Variants in HEMK2 observed in about 807,000 individuals in gnomAD.
HEMK2 encodes methyltransferase HEMK2.
chr21:28,591,488 T>C, the HEMK2 span, among the ~76,000 whole-genome samples: 9 of 152,330 alleles, frequency 5.9e-5, no homozygotes, highest in South Asian at 2.1e-4. Context: ...TCCTTACATA[T>C]GCAAATAATA....
At chr21:28,809,694 C>A in the HEMK2 span, among the ~76,000 whole-genome samples, 1 of 152,140 alleles carries the variant, frequency 6.6e-6, no homozygotes, top group Non-Finnish European at 1.5e-5. Context: ...GCAATTTCTG[C>A]TATGTGGATG....
the HEMK2 span, among the ~76,000 whole-genome samples, chr21:28,736,971 T>C: frequency 6.6e-6 from 1 of 152,134 alleles, no homozygotes; most frequent in East Asian, 1.9e-4. Context: ...CTTCCATATA[T>C]AAAATTTGAG....
At chr21:28,872,023 G>A in the HEMK2 span, among the ~76,000 whole-genome samples, 1 of 152,148 alleles carries the variant, frequency 6.6e-6, no homozygotes, top group Non-Finnish European at 1.5e-5. Context: ...TTCCAAATAG[G>A]AGCATATTCA....
At chr21:28,643,016 T>G in the HEMK2 span, among the ~76,000 whole-genome samples, 1 of 152,184 alleles carries the variant, frequency 6.6e-6, no homozygotes, top group Non-Finnish European at 1.5e-5. Context: ...CCAGCCCTTC[T>G]GTATCAATAG....
the HEMK2 span, among the ~76,000 whole-genome samples, chr21:28,665,511 G>A: frequency 1.3e-5 from 2 of 150,568 alleles, no homozygotes; most frequent in Non-Finnish European, 3.0e-5. Flanking sequence ...TGACACGTTA[G>A]TGGGTGCAGC....
At chr21:28,752,954 C>T in the HEMK2 span, among the ~76,000 whole-genome samples, 4 of 152,170 alleles carry the variant, frequency 2.6e-5, no homozygotes, top group Non-Finnish European at 5.9e-5. Flanking sequence ...TCCATTCGTG[C>T]TTGGCATCAT....
the HEMK2 span, among the ~76,000 whole-genome samples, chr21:28,604,521 G>T: frequency 0.038 from 5,773 of 152,248 alleles, 121 homozygotes; most frequent in Middle Eastern, 0.054. Flanking sequence ...TAACAAGTTT[G>T]ATTTTTCATT....
chr21:28,843,877 C>T, the HEMK2 span, among the ~76,000 whole-genome samples: 20 of 151,706 alleles, frequency 1.3e-4, no homozygotes, highest in African/African-American at 4.1e-4. Flanking sequence ...ACTGGGAAGC[C>T]GTATAATATG....
At chr21:28,621,831 C>T in the HEMK2 span, among the ~76,000 whole-genome samples, 3 of 152,188 alleles carry the variant, frequency 2.0e-5, no homozygotes, top group Non-Finnish European at 4.4e-5. Context: ...TCAGTTGCTT[C>T]AGGCCATCTG....
chr21:28,591,354 G>A, the HEMK2 span, among the ~76,000 whole-genome samples: 1 of 152,134 alleles, frequency 6.6e-6, no homozygotes, highest in African/African-American at 2.4e-5. Flanking sequence ...AGTGACTACA[G>A]ACACAGTTGT....
the HEMK2 span, among the ~76,000 whole-genome samples, chr21:28,737,440 A>T: frequency 6.6e-6 from 1 of 152,166 alleles, no homozygotes; most frequent in Non-Finnish European, 1.5e-5. Context: ...GTGGAGTTTT[A>T]TCCACTTATT....
At chr21:28,778,384 A>T in the HEMK2 span, among the ~76,000 whole-genome samples, 1 of 152,208 alleles carries the variant, frequency 6.6e-6, no homozygotes, top group Admixed American at 6.5e-5. Context: ...CCAAGCTTTT[A>T]TACACATTCA....
the HEMK2 span, among the ~76,000 whole-genome samples, chr21:28,722,816 G>A: frequency 2.6e-5 from 4 of 152,164 alleles, no homozygotes; most frequent in South Asian, 4.1e-4. Context: ...CCCAGAAGGC[G>A]GAGGTTGTGG....
At chr21:28,877,407 A>AAGAAAAT in the HEMK2 span, among the ~76,000 whole-genome samples, 1 of 6,152 alleles carries the variant, frequency 1.6e-4, no homozygotes, top group Admixed American at 1.2e-3. Flanking sequence ...GGAAGAAAAA[A>AAGAAAAT]AAGAAGGAAG....
chr21:28,627,814 T>A, the HEMK2 span, among the ~76,000 whole-genome samples: 11 of 152,288 alleles, frequency 7.2e-5, no homozygotes, highest in East Asian at 1.5e-3. Flanking sequence ...GCCTGGCAGA[T>A]GGAAAATTGA....
chr21:28,849,099 G>A, the HEMK2 span, among the ~76,000 whole-genome samples: 1 of 152,176 alleles, frequency 6.6e-6, no homozygotes, highest in Non-Finnish European at 1.5e-5. Flanking sequence ...CCACCCATCA[G>A]AGTGTTGTGG....
At chr21:28,759,928 T>C in the HEMK2 span, among the ~76,000 whole-genome samples, 1 of 152,178 alleles carries the variant, frequency 6.6e-6, no homozygotes, top group Non-Finnish European at 1.5e-5. Context: ...CAAAACAGTT[T>C]ACTACACACT....
At chr21:28,596,840 T>C in the HEMK2 span, among the ~76,000 whole-genome samples, 1 of 152,228 alleles carries the variant, frequency 6.6e-6, no homozygotes, top group Non-Finnish European at 1.5e-5. Flanking sequence ...GACAGTGTGC[T>C]CCATACCGAA....
At chr21:28,839,383 A>C in the HEMK2 span, among the ~76,000 whole-genome samples, 1 of 152,156 alleles carries the variant, frequency 6.6e-6, no homozygotes, top group Non-Finnish European at 1.5e-5. Flanking sequence ...CCATCAGACA[A>C]GAGAAAGAAA....
Sources: allele counts gnomAD v4.1 joint callset (sites outside exome capture counted in the v4.1 genomes callset), GRCh38; gene constraint gnomAD v4.1.1; transcripts MANE v1.5; gene names NCBI Gene and HGNC (gene_info 2026-07-23, HGNC 2026-07-21).